The following NOS2 variants were observed in gnomAD, a reference collection of about 807,000 sequenced individuals.
NOS2 encodes the protein nitric oxide synthase, inducible.
A neutral mutation model predicts 136.0 loss-of-function variants in NOS2; 96 were observed. That is an observed-to-expected ratio of 0.71 (90% CI 0.60 to 0.84). The LOEUF (loss-of-function observed/expected upper bound fraction) is 0.84. NOS2 is among the 40% of genes least tolerant of loss of function. The pLI is 0.00. For missense variants in NOS2, 1,237 were observed against 1,496.9 expected (o/e 0.83, Z 2.87); for synonymous variants, 539 against 587.5 (o/e 0.92, Z 1.20).
intron 1 of NOS2, among the ~76,000 whole-genome samples, chr17:27,799,726 G>T (rs1909470897): frequency 6.6e-6 from 1 of 151,534 alleles, no homozygotes; most frequent in Admixed American, 6.6e-5. Context: ...TGTGCCTGTA[G>T]TCCCAGCTAC....
In NOS2 at chr17:27,788,276, T is replaced by C. The variant is rs544661843; in HGVS notation, c.319-450A>G. Among the ~76,000 whole-genome samples the C allele has an allele frequency of 4.0e-5, 6 of 151,652 alleles. No homozygotes were observed. In the South Asian group the frequency reaches 1.2e-3, roughly 31 times the overall value. ...TGGTGGTTTGGGGGCATGTGGGAAATAATTTTGCTTTCATGGTCCTGAAAT... is the reference window on the plus strand; with the variant it reads ...TGGTGGTTTGGGGGCATGTGGGAAACAATTTTGCTTTCATGGTCCTGAAAT... On this transcript the variant is annotated intron_variant, in intron 4 of 26. Coordinates refer to ENST00000313735, the MANE Select transcript of NOS2 (RefSeq NM_000625.4).
chr17:27,777,853 T>C (rs542457797), intron 11 of NOS2, among the ~76,000 whole-genome samples: 1 of 152,128 alleles, frequency 6.6e-6, no homozygotes, highest in East Asian at 1.9e-4. Flanking sequence ...GGAACCAACC[T>C]GGGCAACATG....
In NOS2 at chr17:27,772,424, G is replaced by C. The variant is rs148070104; in HGVS notation, c.1588C>G (p.Arg530Gly). The C allele has an allele frequency of 1.7e-4, 281 of 1,613,864 alleles. No homozygotes were observed. Among genetic ancestry groups the C allele is most frequent in the Non-Finnish European group, 2.3e-4 (266 of 1,180,032 alleles). The change falls in exon 14 of 27, where the codon CGC becomes GGC. Residue 530 changes from arginine to glycine, a missense_variant. Around this residue, in one of 3 missense-constraint regions of NOS2, gnomAD observed 782 missense variants for 909.9 expected, o/e 0.86. Transcript: ENST00000313735. ...KAVLFACMLMRKTMASRVRVT... is the reference protein window; with the variant it reads ...KAVLFACMLMGKTMASRVRVT... ...CTGACTCGGGACGCCATTGTCTTGC[G>C]CATCAGCATACAGGCAAAGAGCACA...
Position 27,757,273 on chromosome 17 carries a change from G to T in NOS2, c.3435C>A (p.Pro1145=). The T allele has an allele frequency of 6.2e-7, 1 of 1,613,984 alleles. No individual in the cohort carries two copies. Among genetic ancestry groups the T allele is most frequent in the East Asian group, 2.2e-5 (1 of 44,878 alleles). ...EAKKDRVAVQ[P]SSLEMSAL is the part of the protein sequence containing the mutation. ...AGAGCGCTGACATCTCCAGGCTGCT[G>T]GGCTGCACCGCCACCCTGTCCTTCT... Residue 1145 remains proline (P), a synonymous_variant, in exon 27 of 27, where the codon CCC becomes CCA. Transcript: ENST00000313735.
rs11428460 is a variant in NOS2 at position 27,767,000 on chromosome 17, C to CAAAAAAAAAAAAAAA, written c.2168-427_2168-413dup. ...TGGACGACAGACCGAGACTCCGTCT[C>CAAAAAAAAAAAAAAA]AAAAAAAAAAAAAAAAAAAAAAAAG... On this transcript the variant is annotated intron_variant, in intron 18 of 26. Transcript: ENST00000313735. Among the ~76,000 whole-genome samples, 2 of 42,790 alleles carry CAAAAAAAAAAAAAAA rather than the reference C, an allele frequency of 4.7e-5. 1 individual carries two copies. Among genetic ancestry groups the CAAAAAAAAAAAAAAA allele is most frequent in the Non-Finnish European group, 9.0e-5 (2 of 22,108 alleles). The allele number at this position is 42,790 out of a possible 152,430, so 28.1% of individuals were successfully genotyped here.
intron 7 of NOS2, among the ~76,000 whole-genome samples, chr17:27,781,691 C>G (rs993585690): frequency 1.3e-5 from 2 of 152,182 alleles, no homozygotes; most frequent in Non-Finnish European, 2.9e-5. Context: ...AGGAAGGTAA[C>G]CTCTTAATGT....
intron 2 of NOS2, among the ~76,000 whole-genome samples, chr17:27,794,747 C>CACACA (rs1909302086): frequency 6.6e-6 from 1 of 150,498 alleles, no homozygotes; most frequent in South Asian, 2.1e-4. Context: ...CACACACACA[C>CACACA]CATGCTCATT....
intron 3 of NOS2, among the ~76,000 whole-genome samples, chr17:27,789,233 A>G (rs1244196225): frequency 1.3e-5 from 2 of 152,174 alleles, no homozygotes; most frequent in African/African-American, 2.4e-5. Flanking sequence ...CAGAGCCAAT[A>G]CTACTGAGAA....
intron 26 of NOS2, among the ~76,000 whole-genome samples, chr17:27,757,638 T>C (rs753917097): frequency 3.9e-5 from 6 of 152,188 alleles, no homozygotes; most frequent in Non-Finnish European, 7.3e-5. Context: ...ATAAATATGT[T>C]TGGGAAATGC....
chr17:27,758,248 C>A (rs1192642620), intron 26 of NOS2, among the ~76,000 whole-genome samples: 1 of 152,100 alleles, frequency 6.6e-6, no homozygotes, highest in African/African-American at 2.4e-5. Context: ...GGCTTTGGAA[C>A]CAGAGAGAGG....
chr17:27,764,387 C>T (rs914088939), intron 20 of NOS2, among the ~76,000 whole-genome samples: 15 of 152,224 alleles, frequency 9.9e-5, no homozygotes, highest in Non-Finnish European at 2.1e-4. Flanking sequence ...AAACTAACCA[C>T]GTCCTTCTCT....
intron 15 of NOS2, among the ~76,000 whole-genome samples, chr17:27,770,111 G>A (rs1302353653): frequency 2.6e-5 from 4 of 152,072 alleles, no homozygotes; most frequent in Non-Finnish European, 4.4e-5. Flanking sequence ...TCATTCTTCG[G>A]AGCACTGGAG....
At chr17:27,794,698 G>A (rs946095442) in intron 2 of NOS2, among the ~76,000 whole-genome samples, 3 of 145,164 alleles carry the variant, frequency 2.1e-5, no homozygotes, top group African/African-American at 8.0e-5. Flanking sequence ...ATACACACAT[G>A]CGTACACACA....
intron 5 of NOS2, among the ~76,000 whole-genome samples, chr17:27,784,311 C>T (rs1189356765): frequency 6.6e-6 from 1 of 152,168 alleles, no homozygotes; most frequent in African/African-American, 2.4e-5. Flanking sequence ...TGAAGAGTGT[C>T]TCGACAACTT....
chr17:27,788,410 G>A (rs1909089448), intron 4 of NOS2, among the ~76,000 whole-genome samples: 1 of 152,106 alleles, frequency 6.6e-6, no homozygotes, highest in Non-Finnish European at 1.5e-5. Flanking sequence ...CCACTCACAG[G>A]ATACTTGAAC....
intron 11 of NOS2, 102 bp from the exon 12 acceptor site, chr17:27,774,553 C>T (rs1266390528): frequency 3.8e-6 from 3 of 787,576 alleles, no homozygotes; most frequent in East Asian, 3.0e-5. Flanking sequence ...GAAGGCCTGG[C>T]AATCTGTAAC....
chr17:27,791,786 AC>A (rs1909200540), intron 2 of NOS2, among the ~76,000 whole-genome samples: 84 of 149,994 alleles, frequency 5.6e-4, no homozygotes, highest in African/African-American at 1.5e-3. Context: ...ACAAAACAAA[AC>A]AAAACAAAAC....
At chr17:27,777,025 A>C (rs918501307) in intron 11 of NOS2, among the ~76,000 whole-genome samples, 1 of 152,186 alleles carries the variant, frequency 6.6e-6, no homozygotes, top group African/African-American at 2.4e-5. Flanking sequence ...TGCCAGCATC[A>C]GGGCTGGTGC....
Position 27,778,801 on chromosome 17 carries a change from C to T in NOS2, c.1180-10G>A, listed in dbSNP as rs1267430956. 6.2e-7 allele frequency: 1 copy of T among 1,613,916 alleles called. No individual in the cohort carries two copies. Among genetic ancestry groups the T allele is most frequent in the African/African-American group, 1.3e-5 (1 of 74,922 alleles). Reference sequence around the variant, plus strand: ...TTCTCCTGCCCACTTCCTACAGAGGCAGAGTGATAGCGGCGAGTCGGTCCC... The same window carrying T: ...TTCTCCTGCCCACTTCCTACAGAGGTAGAGTGATAGCGGCGAGTCGGTCCC... On this transcript the variant is annotated splice_polypyrimidine_tract_variant and intron_variant, in intron 10 of 26. Transcript: ENST00000313735.
Sources: gnomAD v4.1 joint callset for allele counts (sites outside exome capture counted in the v4.1 genomes callset) on GRCh38, gnomAD v4.1.1 for gene constraint, gnomAD v4.1.1 regional missense constraint, MANE v1.5 for transcripts, NCBI Gene and HGNC (gene_info 2026-07-23, HGNC 2026-07-21) for gene names.